XPO7: variants seen among roughly 807,000 people sequenced by gnomAD.
XPO7 encodes exportin-7.
XPO7 carries 21 observed loss-of-function variants against 144.3 expected under a neutral mutation model. The ratio of observed to expected loss-of-function variants is 0.15; its 90% CI spans 0.10 to 0.21. The LOEUF (loss-of-function observed/expected upper bound fraction) is 0.21, where lower values mean the gene tolerates loss of function less well. XPO7 is among the 10% of genes least tolerant of loss of function. The pLI is 1.00. For missense variants in XPO7, 808 were observed against 1,325.8 expected (o/e 0.61, Z 6.06); for synonymous variants, 580 against 499.6 (o/e 1.16, Z -2.15).
At chr8:21,920,346 CG>C (rs781367035) in intron 1 of XPO7, among the ~76,000 whole-genome samples, 55 of 152,090 alleles carry the variant, frequency 3.6e-4, no homozygotes, top group Non-Finnish European at 2.2e-4. Flanking sequence ...CCCTTCCCTC[CG>C]ACACTCCAAA....
At chr8:21,932,694 T>C (rs1473249768) in intron 1 of XPO7, among the ~76,000 whole-genome samples, 1 of 152,214 alleles carries the variant, frequency 6.6e-6, no homozygotes, top group East Asian at 1.9e-4. Context: ...TATCTCTTCT[T>C]TTATTATTTC....
rs1369270176 is a variant in XPO7, at chr8:21,985,596, A to G, written c.1482A>G (p.Thr494=). Residue 494 remains threonine, a synonymous_variant, in exon 13 of 28, where the codon ACA becomes ACG. Transcript: ENST00000252512. The stretch of plus-strand genomic sequence containing the variant: ...TGTCTCCTGCTGCAGGAAGGCTGAC[A>G]TGGCTGGTTTACATTATTGGAGCAG... ...MDIAVQEGRL[T]WLVYIIGAVI... The G allele has an allele frequency of 1.2e-5, 20 of 1,613,918 alleles. No homozygotes were observed. The highest frequency in any genetic ancestry group is 1.6e-5 in the Non-Finnish European group (19 of 1,179,896).
At position 21,999,314 on chromosome 8, in the gene XPO7, T is replaced by TA. The variant is rs768396155; in HGVS notation, c.2643+10dup. On this transcript the variant is annotated intron_variant, in intron 23 of 27. Transcript: ENST00000252512. ...CTCACAGTGATCTCTTGGTAAGCCT[T>TA]ACGCTGCATTGCCACAATCTTGTTC... 10 of 1,612,172 alleles carry TA rather than the reference T, an allele frequency of 6.2e-6. No homozygotes were observed. The highest frequency in any genetic ancestry group is 1.3e-5 in the African/African-American group (1 of 74,864).
chr8:22,001,141 T>C (rs1813130201), intron 24 of XPO7, among the ~76,000 whole-genome samples: 1 of 151,976 alleles, frequency 6.6e-6, no homozygotes, highest in South Asian at 2.1e-4. Context: ...GGCAAAACCC[T>C]GTCTCTGTAC....
At chr8:21,991,021 T>C in intron 18 of XPO7, 102 bp downstream of exon 18, 1 of 1,032,190 alleles carries the variant, frequency 9.7e-7, no homozygotes, top group Non-Finnish European at 1.5e-6. Flanking sequence ...TTTCTGTTTT[T>C]TCAACAGTAA....
At chr8:21,943,928 A>T (rs1246708931) in intron 1 of XPO7, among the ~76,000 whole-genome samples, 1 of 152,244 alleles carries the variant, frequency 6.6e-6, no homozygotes, top group African/African-American at 2.4e-5. Flanking sequence ...GAAGGATTTA[A>T]GACAAGCTAA....
intron 1 of XPO7, among the ~76,000 whole-genome samples, chr8:21,948,706 C>T (rs1428484758): frequency 6.6e-6 from 1 of 151,980 alleles, no homozygotes; most frequent in Non-Finnish European, 1.5e-5. Context: ...TTTTTTTATT[C>T]ATCCTTCACC....
chr8:21,965,200 A>G (rs1438565933), intron 1 of XPO7, among the ~76,000 whole-genome samples: 1 of 151,850 alleles, frequency 6.6e-6, no homozygotes. Flanking sequence ...TTCAATGTTG[A>G]AACAAAACCT....
rs988136248 is a variant in XPO7 at position 21,939,109 on chromosome 8, T to C, written c.18+19321T>C. Among the ~76,000 whole-genome samples, 9 of 152,246 alleles carry C rather than the reference T, an allele frequency of 5.9e-5. No homozygotes were observed. The South Asian group carries it at 8.3e-4, about 14-fold the overall frequency. On this transcript the variant is annotated intron_variant, in intron 1 of 27. Transcript: ENST00000252512. Reference sequence around the variant, plus strand: ...AATGAAATAATTTAGTTTTTAGCTCTTCTATTCTTATTTTGTTCTTTACAT... The same window carrying C: ...AATGAAATAATTTAGTTTTTAGCTCCTCTATTCTTATTTTGTTCTTTACAT...
At chr8:22,000,128 G>C (rs1813090185) in intron 24 of XPO7, among the ~76,000 whole-genome samples, 1 of 152,210 alleles carries the variant, frequency 6.6e-6, no homozygotes, top group Non-Finnish European at 1.5e-5. Flanking sequence ...AAGCTGGACA[G>C]ATGTTACCCT....
intron 18 of XPO7, 134 bp downstream of exon 18, chr8:21,991,053 C>A: frequency 1.3e-6 from 1 of 759,430 alleles, no homozygotes; most frequent in Non-Finnish European, 2.2e-6. Context: ...GAAATAACAG[C>A]CTGATTTCAC....
At chr8:21,982,613 G>A (rs1345308213) in intron 10 of XPO7, 27 bp from the exon 11 acceptor site, 1 of 1,552,034 alleles carries the variant, frequency 6.4e-7, no homozygotes, top group African/African-American at 1.4e-5. Flanking sequence ...TGAAAAATAT[G>A]CCTTCTGCTT....
rs1585490058 is a variant in XPO7, at chr8:22,004,898, T to C, written c.3171-97T>C. On this transcript the variant is annotated intron_variant, in intron 27 of 27. Coordinates refer to ENST00000252512, the MANE Select transcript of XPO7 (RefSeq NM_015024.5). The stretch of plus-strand genomic sequence containing the variant: ...CTTTGAAACAGAACCCATCAATTCA[T>C]ACATTCTACTTCCCATGCTTTAAAA... The C allele has an allele frequency of 6.0e-6, 4 of 662,728 alleles. No homozygotes were observed. The East Asian group carries it at 8.8e-5, about 15-fold the overall frequency. 41.1% of individuals were successfully genotyped at this position (662,728 alleles called of 1,614,324 possible). A position where few individuals can be genotyped will look rare whatever the true frequency, so the allele number is the denominator to read the frequency against.
intron 1 of XPO7, among the ~76,000 whole-genome samples, chr8:21,956,757 A>T (rs1250309485): frequency 5.7e-5 from 8 of 141,338 alleles, no homozygotes; most frequent in East Asian, 2.1e-4. Flanking sequence ...CTTTTTGTGC[A>T]TCCTGTTATT....
intron 3 of XPO7, 139 bp from the exon 4 acceptor site, chr8:21,970,005 T>C (rs1812000086): frequency 1.0e-6 from 1 of 973,484 alleles, no homozygotes; most frequent in African/African-American, 1.6e-5. Flanking sequence ...AACAGTAGCA[T>C]AAATAATTAA....
intron 24 of XPO7, among the ~76,000 whole-genome samples, chr8:22,000,031 C>T (rs1026811974): frequency 1.3e-5 from 2 of 152,168 alleles, no homozygotes; most frequent in African/African-American, 4.8e-5. Flanking sequence ...CTACACAAGC[C>T]CTCAAGAATA....
intron 1 of XPO7, 38 bp downstream of exon 1, chr8:21,919,826 G>A (rs1271661316): frequency 5.0e-6 from 2 of 400,460 alleles, no homozygotes; most frequent in Middle Eastern, 8.3e-4. Flanking sequence ...CGACCACGAA[G>A]AGCGGCGAGT....
chr8:21,992,487 AT>A (rs1385564074), intron 19 of XPO7, among the ~76,000 whole-genome samples: 1 of 152,104 alleles, frequency 6.6e-6, no homozygotes, highest in Admixed American at 6.5e-5. Context: ...TTCCATTGAG[AT>A]TTCTTCTTTG....
At chr8:21,996,161 T>G (rs1812943040) in intron 21 of XPO7, among the ~76,000 whole-genome samples, 1 of 152,160 alleles carries the variant, frequency 6.6e-6, no homozygotes, top group South Asian at 2.1e-4. Flanking sequence ...TGGTGGCTCA[T>G]GCCTGTAATC....
Sources: gnomAD v4.1 joint callset for allele counts (sites outside exome capture counted in the v4.1 genomes callset) on GRCh38, gnomAD v4.1.1 for gene constraint, MANE v1.5 for transcripts, NCBI Gene and HGNC (gene_info 2026-07-23, HGNC 2026-07-21) for gene names.